The following IL1RAPL1 variants were observed in gnomAD, a reference collection of about 807,000 sequenced individuals.
The protein encoded by IL1RAPL1 is interleukin 1 receptor accessory protein like 1, also known as interleukin-1 receptor accessory protein-like 1.
In IL1RAPL1, 3 loss-of-function variants were observed where a neutral mutation model predicts 48.4. The observed-to-expected ratio is 0.06, with a 90% CI of 0.03 to 0.16. IL1RAPL1 has a LOEUF of 0.16. Ranked by LOEUF, IL1RAPL1 falls within the 10% of genes least tolerant of loss-of-function variation. The pLI, the probability that IL1RAPL1 is intolerant of heterozygous loss-of-function variation, is 1.00. For synonymous variants in IL1RAPL1, 185 were observed against 187.7 expected, an observed-to-expected ratio of 0.99 and a Z score of 0.12; for missense variants, 349 against 530.6, an observed-to-expected ratio of 0.66 and a Z score of 3.36.
intron 2 of IL1RAPL1, among the ~76,000 whole-genome samples, chrX:28,916,859 A>C (rs1923500904): frequency 8.9e-6 from 1 of 112,313 alleles, no homozygotes; most frequent in Admixed American, 9.5e-5. Context: ...TGTTTTTTAA[A>C]ACTAACATTT....
At chrX:29,422,884 A>G (rs1384952375) in intron 5 of IL1RAPL1, among the ~76,000 whole-genome samples, 1 of 111,852 alleles carries the variant, frequency 8.9e-6, no homozygotes, top group Non-Finnish European at 1.9e-5. Flanking sequence ...CAAGAGCATT[A>G]TAAAGGAAAC....
At chrX:29,382,017 C>G (rs1023277409) in intron 3 of IL1RAPL1, among the ~76,000 whole-genome samples, 1 of 108,582 alleles carries the variant, frequency 9.2e-6, no homozygotes, top group African/African-American at 3.4e-5. Flanking sequence ...ATTGTAATAG[C>G]TTTTGTAAAT....
intron 2 of IL1RAPL1, among the ~76,000 whole-genome samples, chrX:29,122,936 T>G (rs1255794849): frequency 8.9e-6 from 1 of 111,853 alleles, no homozygotes; most frequent in Non-Finnish European, 1.9e-5. Flanking sequence ...TAGGCAATCT[T>G]GGATATGTGT....
chrX:29,370,803 T>C (rs956977201), intron 3 of IL1RAPL1, among the ~76,000 whole-genome samples: 1 of 110,149 alleles, frequency 9.1e-6, no homozygotes, highest in Non-Finnish European at 1.9e-5. Flanking sequence ...AATAATAGAG[T>C]TGCAAGTTAA....
chrX:29,572,540 C>G lies in IL1RAPL1; in HGVS notation c.704-95890C>G, dbSNP rs1044442935. On this transcript the variant is annotated intron_variant, in intron 5 of 10. Coordinates refer to ENST00000378993, the MANE Select transcript of IL1RAPL1 (RefSeq NM_014271.4). Reference sequence around the variant, plus strand: ...ATACATTTACATAATAAAATTAAAACCCTTTTTCAAAGGCACTTGACATTT... The same window carrying G: ...ATACATTTACATAATAAAATTAAAAGCCTTTTTCAAAGGCACTTGACATTT... Among the ~76,000 whole-genome samples the G allele has an allele frequency of 1.1e-4, 12 of 112,183 alleles. 1 individual carries two copies. Among genetic ancestry groups the G allele is most frequent in the Admixed American group, 5.7e-4 (6 of 10,546 alleles).
intron 5 of IL1RAPL1, among the ~76,000 whole-genome samples, chrX:29,507,525 C>T (rs1935349402): frequency 1.1e-5 from 1 of 93,739 alleles, no homozygotes; most frequent in Admixed American, 1.2e-4. Flanking sequence ...CCATCTCAGT[C>T]TCCCAAGTAT....
chrX:28,669,501 C>T (rs911380990), intron 1 of IL1RAPL1, among the ~76,000 whole-genome samples: 24 of 108,207 alleles, frequency 2.2e-4, no homozygotes, highest in Admixed American at 9.2e-4. Context: ...TGCCTGTAAT[C>T]CCGGCTACTC....
intron 2 of IL1RAPL1, among the ~76,000 whole-genome samples, chrX:29,164,073 A>G (rs1289437464): frequency 8.9e-6 from 1 of 111,891 alleles, no homozygotes; most frequent in African/African-American, 3.2e-5. Flanking sequence ...AAATGTTTGA[A>G]GCATAAGGAA....
intron 5 of IL1RAPL1, among the ~76,000 whole-genome samples, chrX:29,659,721 T>C (rs1230163537): frequency 1.8e-5 from 2 of 111,325 alleles, no homozygotes; most frequent in Non-Finnish European, 3.8e-5. Context: ...GCCTTCCGGG[T>C]TCAAGCGATT....
At chrX:28,927,338 TCTC>T (rs1374883474) in intron 2 of IL1RAPL1, among the ~76,000 whole-genome samples, 1 of 111,980 alleles carries the variant, frequency 8.9e-6, no homozygotes, top group Admixed American at 9.5e-5. Context: ...AAATTATCTC[TCTC>T]CTCCTTCAAT....
At chrX:29,131,647 G>A (rs530502195) in intron 2 of IL1RAPL1, among the ~76,000 whole-genome samples, 4 of 111,280 alleles carry the variant, frequency 3.6e-5, no homozygotes, top group African/African-American at 1.3e-4. Flanking sequence ...CTCTAAATCA[G>A]TGGCTCTCAA....
intron 2 of IL1RAPL1, among the ~76,000 whole-genome samples, chrX:29,071,661 T>C (rs1027901610): frequency 9.0e-6 from 1 of 111,577 alleles, no homozygotes; most frequent in African/African-American, 3.3e-5. Flanking sequence ...CTATAGTATC[T>C]AGCACAGAGA....
At chrX:29,194,015 T>C (rs1930398825) in intron 2 of IL1RAPL1, among the ~76,000 whole-genome samples, 1 of 111,965 alleles carries the variant, frequency 8.9e-6, no homozygotes, top group Non-Finnish European at 1.9e-5. Flanking sequence ...AAGTTGTGAA[T>C]TGTTTTTCCT....
At chrX:29,312,362 T>C (rs1932737982) in intron 3 of IL1RAPL1, among the ~76,000 whole-genome samples, 2 of 110,381 alleles carry the variant, frequency 1.8e-5, no homozygotes, top group Admixed American at 9.6e-5. Context: ...GAGGCAGAGA[T>C]TGCAGTCAGC....
intron 2 of IL1RAPL1, among the ~76,000 whole-genome samples, chrX:29,154,921 A>C (rs1057013703): frequency 8.9e-6 from 1 of 111,851 alleles, no homozygotes; most frequent in African/African-American, 3.2e-5. Context: ...CTAATTAAGA[A>C]ATTAAGACTA....
intron 2 of IL1RAPL1, among the ~76,000 whole-genome samples, chrX:29,182,336 G>T (rs1295125353): frequency 8.9e-6 from 1 of 111,806 alleles, no homozygotes; most frequent in Non-Finnish European, 1.9e-5. Context: ...GTTTTGTGTT[G>T]GTTGATTTGC....
At position 28,620,212 on chromosome X, in the gene IL1RAPL1, T is replaced by C. The variant is rs373399375; in HGVS notation, c.-25+32165T>C. Among the ~76,000 whole-genome samples, 8 of 112,249 alleles carry C rather than the reference T, an allele frequency of 7.1e-5. No individual in the cohort carries two copies. In the East Asian group the frequency reaches 1.1e-3, roughly 16 times the overall value. On this transcript the variant is annotated intron_variant, in intron 1 of 10. Coordinates refer to ENST00000378993, the MANE Select transcript of IL1RAPL1 (RefSeq NM_014271.4). Reference sequence around the variant, plus strand: ...CCATCTTAGACATCCAGTAAGATCATATACACTTCAAATTGCCTAAGTATT... The same window carrying C: ...CCATCTTAGACATCCAGTAAGATCACATACACTTCAAATTGCCTAAGTATT...
At chrX:29,607,394 TGAAATGAA>T (rs1923928364) in intron 5 of IL1RAPL1, among the ~76,000 whole-genome samples, 1 of 112,186 alleles carries the variant, frequency 8.9e-6, no homozygotes, top group Non-Finnish European at 1.9e-5. Flanking sequence ...TTTCCTATCT[TGAAATGAA>T]TATGTTCAAG....
At chrX:29,773,529 AAT>A (rs1929117786) in intron 6 of IL1RAPL1, among the ~76,000 whole-genome samples, 1 of 112,636 alleles carries the variant, frequency 8.9e-6, no homozygotes, top group South Asian at 3.6e-4. Flanking sequence ...ATTTAAATTT[AAT>A]ATTTTGATTC....
Sources: allele counts gnomAD v4.1 joint callset (sites outside exome capture counted in the v4.1 genomes callset), GRCh38; gene constraint gnomAD v4.1.1; transcripts MANE v1.5; gene names NCBI Gene and HGNC (gene_info 2026-07-23, HGNC 2026-07-21).